Variants in ANO10 observed in about 807,000 individuals in gnomAD.
ANO10 encodes the protein anoctamin-10.
A neutral mutation model predicts 74.7 loss-of-function variants in ANO10; 77 were observed. The ratio of observed to expected loss-of-function variants is 1.03; its 90% CI spans 0.86 to 1.25. The LOEUF (loss-of-function observed/expected upper bound fraction) is 1.25, where lower values mean the gene tolerates loss of function less well. Among genes scored for constraint, ANO10 ranks in the 50% most tolerant of loss-of-function variants. ANO10 has a pLI of 0.00. For synonymous variants in ANO10, 279 were observed against 284.9 expected, an observed-to-expected ratio of 0.98 and a Z score of 0.21; for missense variants, 721 against 778.1, an observed-to-expected ratio of 0.93 and a Z score of 0.87.
chr3:43,552,720 A>C (rs1202955977), intron 10 of ANO10, among the ~76,000 whole-genome samples: 1 of 132,834 alleles, frequency 7.5e-6, no homozygotes, highest in African/African-American at 3.0e-5. Flanking sequence ...ATATATATAT[A>C]TATATATATG....
chr3:43,557,313 G>C (rs1056074568), intron 9 of ANO10, among the ~76,000 whole-genome samples: 11 of 152,140 alleles, frequency 7.2e-5, no homozygotes. Flanking sequence ...TGAGAAATAA[G>C]ATCAAACAAT....
At chr3:43,529,268 G>A (rs1029893501) in intron 11 of ANO10, among the ~76,000 whole-genome samples, 1 of 152,184 alleles carries the variant, frequency 6.6e-6, no homozygotes, top group African/African-American at 2.4e-5. Context: ...TTGAACCAAA[G>A]TATTTTAAAA....
intron 1 of ANO10, among the ~76,000 whole-genome samples, chr3:43,634,010 A>C (rs1345933465): frequency 2.0e-5 from 3 of 151,480 alleles, no homozygotes; most frequent in Admixed American, 6.6e-5. Flanking sequence ...AAAAAAAAAA[A>C]AAAAATCTGC....
chr3:43,482,723 C>T (rs1034815493), intron 11 of ANO10, among the ~76,000 whole-genome samples: 14 of 152,368 alleles, frequency 9.2e-5, no homozygotes, highest in Admixed American at 9.1e-4. Flanking sequence ...CCTAATCTCA[C>T]ATCCCTTCAA....
At chr3:43,616,665 TAAG>T (rs1300285662) in intron 1 of ANO10, among the ~76,000 whole-genome samples, 1 of 152,166 alleles carries the variant, frequency 6.6e-6, no homozygotes, top group African/African-American at 2.4e-5. Context: ...CGGTCCACAG[TAAG>T]AACCAGCTCT....
chr3:43,641,015 A>G (rs2149563584), intron 1 of ANO10, among the ~76,000 whole-genome samples: 2 of 152,360 alleles, frequency 1.3e-5, no homozygotes, highest in Non-Finnish European at 2.9e-5. Context: ...TTGCAGCTAT[A>G]GGGAGCTATG....
intron 1 of ANO10, among the ~76,000 whole-genome samples, chr3:43,662,942 C>T (rs962921792): frequency 6.6e-6 from 1 of 152,184 alleles, no homozygotes; most frequent in Non-Finnish European, 1.5e-5. Flanking sequence ...GACAGATTCA[C>T]AGCTGAATTC....
chr3:43,543,046 A>T (rs986733579), intron 11 of ANO10, among the ~76,000 whole-genome samples: 1 of 152,214 alleles, frequency 6.6e-6, no homozygotes, highest in Non-Finnish European at 1.5e-5. Flanking sequence ...GGCTCACAAG[A>T]CAAGGTGATA....
chr3:43,545,405 T>C (rs895493771), intron 11 of ANO10, among the ~76,000 whole-genome samples: 2 of 152,076 alleles, frequency 1.3e-5, no homozygotes, highest in Non-Finnish European at 2.9e-5. Context: ...ACAGAGTCTC[T>C]CTCTGTCGCC....
At chr3:43,466,434 A>G (rs2149041674) in intron 11 of ANO10, among the ~76,000 whole-genome samples, 1 of 151,742 alleles carries the variant, frequency 6.6e-6, no homozygotes, top group South Asian at 2.1e-4. Context: ...AGATATATAA[A>G]TGGAATATAA....
intron 2 of ANO10, among the ~76,000 whole-genome samples, chr3:43,603,764 C>T (rs574267375): frequency 2.6e-5 from 4 of 152,296 alleles, no homozygotes; most frequent in South Asian, 2.1e-4. Context: ...AATAATCTTC[C>T]GTTAGCAACC....
chr3:43,642,418 T>C lies in ANO10; in HGVS notation c.-11-36555A>G, dbSNP rs145933520. 4.5e-4 allele frequency among the ~76,000 whole-genome samples: 69 copies of C among 152,330 alleles called. No homozygotes were observed. The East Asian group carries it at 0.01, about 22-fold the overall frequency. On this transcript the variant is annotated intron_variant, in intron 1 of 3. Transcript: ENST00000413397. ...AGATTTCCTTCTATTCATTTATCCT[T>C]AGATCAAATCCATTATGAGTGTATA...
intron 6 of ANO10, among the ~76,000 whole-genome samples, chr3:43,576,401 A>G (rs1364547411): frequency 6.6e-6 from 1 of 152,226 alleles, no homozygotes; most frequent in Admixed American, 6.5e-5. Context: ...AAAGGGTGAA[A>G]TAACTTCTAC....
At chr3:43,518,883 C>T (rs569554525) in intron 11 of ANO10, among the ~76,000 whole-genome samples, 4 of 152,230 alleles carry the variant, frequency 2.6e-5, no homozygotes, top group East Asian at 3.9e-4. Context: ...ATTCTAATTT[C>T]GCCCTGGTCC....
At chr3:43,401,381 A>G (rs2092478383) in intron 12 of ANO10, among the ~76,000 whole-genome samples, 1 of 151,900 alleles carries the variant, frequency 6.6e-6, no homozygotes, top group Non-Finnish European at 1.5e-5. Flanking sequence ...CACTCTATGT[A>G]AAGATACATT....
chr3:43,680,647 G>A (rs542296893), intron 1 of ANO10, among the ~76,000 whole-genome samples: 62 of 152,176 alleles, frequency 4.1e-4, no homozygotes, highest in African/African-American at 1.4e-3. Flanking sequence ...CACCAAAGTC[G>A]AAATGAAGGA....
chr3:43,587,471 G>A (rs1393516414), intron 4 of ANO10, among the ~76,000 whole-genome samples: 1 of 152,166 alleles, frequency 6.6e-6, no homozygotes, highest in African/African-American at 2.4e-5. Context: ...TCAGGAGAAG[G>A]CCCCACACCA....
intron 1 of ANO10, among the ~76,000 whole-genome samples, chr3:43,667,737 C>A (rs1442359828): frequency 6.6e-6 from 1 of 152,128 alleles, no homozygotes; most frequent in Non-Finnish European, 1.5e-5. Flanking sequence ...ATTATGGCCT[C>A]CAGCTCTATC....
intron 1 of ANO10, among the ~76,000 whole-genome samples, chr3:43,674,919 G>C (rs1172149769): frequency 6.6e-6 from 1 of 152,164 alleles, no homozygotes; most frequent in African/African-American, 2.4e-5. Flanking sequence ...TCCTGGAAGG[G>C]ATTAAAAGCT....
Sources: allele counts gnomAD v4.1 joint callset (sites outside exome capture counted in the v4.1 genomes callset), GRCh38; gene constraint gnomAD v4.1.1; transcripts MANE v1.5; gene names NCBI Gene and HGNC (gene_info 2026-07-23, HGNC 2026-07-21).